Variants in NBEA observed in about 807,000 individuals in gnomAD.
NBEA encodes the protein lysosomal-trafficking regulator 2.
NBEA carries 44 observed loss-of-function variants against 343.4 expected under a neutral mutation model. The observed-to-expected ratio is 0.13, with a 90% CI of 0.10 to 0.16. The LOEUF (loss-of-function observed/expected upper bound fraction) is 0.16. NBEA is among the 10% of genes least tolerant of loss of function. NBEA has a pLI of 1.00. For missense variants in NBEA, 2,555 were observed against 3,631.3 expected (o/e 0.70, Z 7.62); for synonymous variants, 1,175 against 1,238.7 (o/e 0.95, Z 1.08).
intron 33 of NBEA, among the ~76,000 whole-genome samples, chr13:35,230,626 G>C (rs2074915346): frequency 6.6e-6 from 1 of 152,012 alleles, no homozygotes; most frequent in Non-Finnish European, 1.5e-5. Context: ...CATGATTCTA[G>C]AGATTTGAAG....
chr13:35,349,308 G>A (rs2040050793), intron 37 of NBEA, 92 bp downstream of exon 37: 2 of 588,530 alleles, frequency 3.4e-6, no homozygotes, highest in East Asian at 3.1e-5. Context: ...TTTTTTAAAA[G>A]GAAAATTTCA....
chr13:35,527,237 G>A (rs1256717558), intron 41 of NBEA, among the ~76,000 whole-genome samples: 1 of 152,088 alleles, frequency 6.6e-6, no homozygotes, highest in Non-Finnish European at 1.5e-5. Flanking sequence ...ATGGGTGAAC[G>A]TGGGCATGCC....
intron 38 of NBEA, among the ~76,000 whole-genome samples, chr13:35,428,363 T>G (rs2152928598): frequency 6.6e-6 from 1 of 152,344 alleles, no homozygotes. Context: ...ACACAAATGC[T>G]AAATGTTGTG....
At chr13:35,437,998 G>T (rs2045533648) in intron 39 of NBEA, among the ~76,000 whole-genome samples, 1 of 151,900 alleles carries the variant, frequency 6.6e-6, no homozygotes, top group Non-Finnish European at 1.5e-5. Context: ...AATTACAGTG[G>T]AACAATGTTT....
intron 41 of NBEA, among the ~76,000 whole-genome samples, chr13:35,532,712 T>TA (rs1381307214): frequency 6.6e-6 from 1 of 152,172 alleles, no homozygotes; most frequent in Non-Finnish European, 1.5e-5. Flanking sequence ...TAGATACTTC[T>TA]AGTACCAGAA....
chr13:35,502,925 T>C (rs1218260248), intron 41 of NBEA, among the ~76,000 whole-genome samples: 1 of 152,130 alleles, frequency 6.6e-6, no homozygotes, highest in Non-Finnish European at 1.5e-5. Context: ...GTTTTATGAG[T>C]TTTAAAATTT....
At chr13:35,369,773 T>A (rs1295033234) in intron 38 of NBEA, among the ~76,000 whole-genome samples, 2 of 151,974 alleles carry the variant, frequency 1.3e-5, no homozygotes, top group African/African-American at 4.8e-5. Flanking sequence ...TTTCTAGATA[T>A]AAGATTATGT....
chr13:35,532,345 T>C (rs2078304685), intron 41 of NBEA, among the ~76,000 whole-genome samples: 1 of 152,170 alleles, frequency 6.6e-6, no homozygotes, highest in Admixed American at 6.5e-5. Context: ...CAATCCTTAA[T>C]AGAGAAACCA....
At chr13:35,662,877 G>A (rs537053351) in intron 55 of NBEA, among the ~76,000 whole-genome samples, 13 of 152,090 alleles carry the variant, frequency 8.5e-5, no homozygotes, top group Non-Finnish European at 1.8e-4. Flanking sequence ...TGAATTAAGT[G>A]TATAATTTCA....
chr13:35,196,354 G>A, intron 31 of NBEA, 52 bp downstream of exon 31: 2 of 1,463,578 alleles, frequency 1.4e-6, no homozygotes, highest in Non-Finnish European at 9.2e-7. Flanking sequence ...AGGAAAATTA[G>A]ACTTTGTTAA....
intron 13 of NBEA, among the ~76,000 whole-genome samples, chr13:35,113,292 T>C (rs2066307934): frequency 6.6e-6 from 1 of 152,090 alleles, no homozygotes; most frequent in African/African-American, 2.4e-5. Context: ...TGATGTTGAG[T>C]TGTCCTTTTA....
At chr13:35,469,582 GGTTT>G (rs1233737346) in intron 40 of NBEA, among the ~76,000 whole-genome samples, 3 of 152,160 alleles carry the variant, frequency 2.0e-5, no homozygotes, top group African/African-American at 7.2e-5. Flanking sequence ...AATAGGAAGA[GGTTT>G]GTCTTATCCA....
chr13:35,152,116 G>A (rs1000679287), intron 18 of NBEA, among the ~76,000 whole-genome samples: 1 of 152,080 alleles, frequency 6.6e-6, no homozygotes, highest in Admixed American at 6.6e-5. Flanking sequence ...GACACAAGGA[G>A]CCAAATGTAA....
At chr13:35,310,897 T>A (rs74048992) in intron 36 of NBEA, among the ~76,000 whole-genome samples, 6,292 of 152,282 alleles carry the variant, frequency 0.041, 151 homozygotes, top group South Asian at 0.077. Flanking sequence ...GATACCCAAT[T>A]TTTAAAAATT....
chr13:35,402,687 C>A (rs2043053814), intron 38 of NBEA, among the ~76,000 whole-genome samples: 1 of 152,090 alleles, frequency 6.6e-6, no homozygotes, highest in Non-Finnish European at 1.5e-5. Context: ...AGTTTAAAAG[C>A]AGATGTGTTT....
chr13:34,946,918 G>T (rs1391601291), intron 1 of NBEA, among the ~76,000 whole-genome samples: 10 of 148,092 alleles, frequency 6.8e-5, no homozygotes, highest in Non-Finnish European at 5.9e-5. Context: ...TTTGCAGCTT[G>T]ATAGTCATAA....
intron 38 of NBEA, among the ~76,000 whole-genome samples, chr13:35,419,726 G>A (rs924151512): frequency 7.9e-5 from 12 of 151,420 alleles, no homozygotes; most frequent in African/African-American, 1.7e-4. Context: ...CCCACCCCCC[G>A]AAAAACATGA....
At chr13:35,179,804 A>G (rs1204669780) in intron 28 of NBEA, 2 of 984,258 alleles carry the variant, frequency 2.0e-6, no homozygotes, top group Non-Finnish European at 2.4e-6. Context: ...CTTGGTTGGT[A>G]TCTTTTCTTA....
intron 36 of NBEA, among the ~76,000 whole-genome samples, chr13:35,326,876 A>G (rs1368519849): frequency 6.6e-6 from 1 of 152,050 alleles, no homozygotes; most frequent in Non-Finnish European, 1.5e-5. Context: ...GAAAATATTC[A>G]CAAACCATGC....
Sources: allele counts gnomAD v4.1 joint callset (sites outside exome capture counted in the v4.1 genomes callset), GRCh38; gene constraint gnomAD v4.1.1; transcripts MANE v1.5; gene names NCBI Gene and HGNC (gene_info 2026-07-23, HGNC 2026-07-21).